Variants in PPP2R2B observed in about 807,000 individuals in gnomAD.
The protein encoded by PPP2R2B is serine/threonine-protein phosphatase 2A 55 kDa regulatory subunit B beta isoform.
PPP2R2B carries 5 observed loss-of-function variants against 46.0 expected under a neutral mutation model. The ratio of observed to expected loss-of-function variants is 0.11; its 90% CI spans 0.06 to 0.23. The LOEUF (loss-of-function observed/expected upper bound fraction) is 0.23, where lower values mean the gene tolerates loss of function less well. PPP2R2B is among the 10% of genes least tolerant of loss of function. The probability of loss-of-function intolerance (pLI) is 1.00; values close to 1 mark genes in which losing one functional copy is unlikely to be tolerated. For synonymous variants in PPP2R2B, 215 were observed against 206.7 expected (o/e 1.04, Z -0.34); for missense variants, 367 against 575.0 (o/e 0.64, Z 3.70).
chr5:147,066,220 C>A (rs1299282257), intron 2 of PPP2R2B, among the ~76,000 whole-genome samples: 3 of 152,142 alleles, frequency 2.0e-5, no homozygotes, highest in African/African-American at 7.2e-5. Flanking sequence ...CTGCCAAAAT[C>A]TAGGTATTGG....
chr5:146,894,105 G>C (rs545879725), intron 1 of PPP2R2B, among the ~76,000 whole-genome samples: 13 of 152,284 alleles, frequency 8.5e-5, no homozygotes, highest in African/African-American at 2.9e-4. Context: ...CTGCTACTAA[G>C]TTAGCCTGGA....
At chr5:146,737,297 C>T (rs192297049) in intron 2 of PPP2R2B, among the ~76,000 whole-genome samples, 34 of 152,278 alleles carry the variant, frequency 2.2e-4, no homozygotes, top group Admixed American at 1.5e-3. Context: ...CTACTTCATG[C>T]AAAGACCTAG....
At chr5:146,921,902 G>C (rs961254338) in intron 1 of PPP2R2B, among the ~76,000 whole-genome samples, 1 of 152,150 alleles carries the variant, frequency 6.6e-6, no homozygotes, top group East Asian at 1.9e-4. Flanking sequence ...AAGTCACTTG[G>C]ATGAGTGCTT....
intron 1 of PPP2R2B, among the ~76,000 whole-genome samples, chr5:146,944,116 T>C (rs1423359671): frequency 6.6e-6 from 1 of 152,202 alleles, no homozygotes; most frequent in Non-Finnish European, 1.5e-5. Flanking sequence ...AATCTCAGAC[T>C]GTAACATCAA....
rs1200056973 is a variant in PPP2R2B at position 146,586,120 on chromosome 5, C to CAAAG, written c.*3823_*3826dup. ...GTGGTGTGTCTAGACTTCCCCCATCCAAAGACTAACCAGGCCTGACTCCAT... is the reference window on the plus strand; with the variant it reads ...GTGGTGTGTCTAGACTTCCCCCATCCAAAGAAAGACTAACCAGGCCTGACTCCAT... On this transcript the variant is annotated 3_prime_UTR_variant, in exon 10 of 10. Coordinates refer to ENST00000394411, the MANE Select transcript of PPP2R2B (RefSeq NM_181675.4). 2.0e-5 allele frequency: 3 copies of CAAAG among 152,262 alleles called. No homozygotes were observed. Among genetic ancestry groups the CAAAG allele is most frequent in the Non-Finnish European group, 4.4e-5 (3 of 68,110 alleles). 9.4% of individuals were successfully genotyped at this position (152,262 alleles called of 1,614,324 possible).
chr5:146,960,480 G>A (rs1023301688), intron 1 of PPP2R2B, among the ~76,000 whole-genome samples: 9 of 152,046 alleles, frequency 5.9e-5, no homozygotes, highest in South Asian at 2.1e-4. Context: ...AGTAGAGAGC[G>A]GGTTTCACCA....
chr5:147,011,432 C>G (rs1754728765), intron 1 of PPP2R2B, among the ~76,000 whole-genome samples: 1 of 151,990 alleles, frequency 6.6e-6, no homozygotes, highest in Non-Finnish European at 1.5e-5. Flanking sequence ...AACTATACAA[C>G]TAACTATATA....
chr5:146,794,566 G>C (rs754110551), intron 2 of PPP2R2B, among the ~76,000 whole-genome samples: 6 of 152,180 alleles, frequency 3.9e-5, no homozygotes, highest in Non-Finnish European at 5.9e-5. Context: ...TGACTAAATA[G>C]ACAAGTACAG....
chr5:146,821,178 C>T (rs1272598557), intron 2 of PPP2R2B, among the ~76,000 whole-genome samples: 1 of 152,120 alleles, frequency 6.6e-6, no homozygotes, highest in African/African-American at 2.4e-5. Context: ...ATATATATAT[C>T]CACAGACAAC....
chr5:147,065,879 G>A (rs779070798), intron 2 of PPP2R2B, among the ~76,000 whole-genome samples: 9 of 152,032 alleles, frequency 5.9e-5, no homozygotes, highest in East Asian at 3.9e-4. Flanking sequence ...GTGCGGGTCC[G>A]TGAGCTAAAT....
Position 146,825,498 on chromosome 5 carries a change from G to T in PPP2R2B, c.70+52504C>A, listed in dbSNP as rs768443165. ...GAGGTACATGAATTTGCACTTGCTT[G>T]CATTTCTATCATTGCACTTGCTTGC... On this transcript the variant is annotated intron_variant, in intron 2 of 9. Coordinates refer to ENST00000394411, the MANE Select transcript of PPP2R2B (RefSeq NM_181675.4). Among the ~76,000 whole-genome samples, 3 of 152,124 alleles carry T rather than the reference G, an allele frequency of 2.0e-5. No homozygotes were observed. In the South Asian group the frequency reaches 6.2e-4, roughly 31 times the overall value.
intron 5 of PPP2R2B, among the ~76,000 whole-genome samples, chr5:146,654,972 A>C (rs460413): frequency 0.86 from 130,852 of 152,210 alleles, 56,658 homozygotes; most frequent in Admixed American, 0.91. Context: ...TTGGCAGAGT[A>C]ATTGATGGGG....
At chr5:146,848,328 C>A (rs1298299786) in intron 2 of PPP2R2B, among the ~76,000 whole-genome samples, 1 of 152,050 alleles carries the variant, frequency 6.6e-6, no homozygotes, top group Non-Finnish European at 1.5e-5. Flanking sequence ...TAACCAAAGT[C>A]CATAGTTCAT....
rs118109024 is a variant in PPP2R2B, at chr5:146,818,614, C to T, written c.70+59388G>A. On this transcript the variant is annotated intron_variant, in intron 2 of 9. Transcript: ENST00000394411. Reference sequence around the variant, plus strand: ...ATGTGCGGGTTCTATCCCCTTGCATCTTAAGTTATGTAATTTTCTCAGTGA... The same window carrying T: ...ATGTGCGGGTTCTATCCCCTTGCATTTTAAGTTATGTAATTTTCTCAGTGA... 1.0e-3 allele frequency among the ~76,000 whole-genome samples: 156 copies of T among 152,266 alleles called. No individual in the cohort carries two copies. The East Asian group carries it at 0.017, about 17-fold the overall frequency.
chr5:146,609,646 C>G (rs1056815296), intron 7 of PPP2R2B, among the ~76,000 whole-genome samples: 11 of 148,728 alleles, frequency 7.4e-5, no homozygotes, highest in Admixed American at 1.3e-4. Context: ...GCACCGTGCG[C>G]GAGCCGAAGC....
intron 2 of PPP2R2B, among the ~76,000 whole-genome samples, chr5:146,716,313 C>T (rs1780494758): frequency 6.6e-6 from 1 of 152,154 alleles, no homozygotes; most frequent in African/African-American, 2.4e-5. Flanking sequence ...AGATCCATGA[C>T]ATTGTCACTT....
chr5:146,642,172 C>T (rs937036422), intron 6 of PPP2R2B, among the ~76,000 whole-genome samples: 1 of 152,204 alleles, frequency 6.6e-6, no homozygotes, highest in Non-Finnish European at 1.5e-5. Context: ...GAGCTCCATG[C>T]TTGGAAGGCA....
upstream of PPP2R2B, among the ~76,000 whole-genome samples, chr5:147,059,628 C>T (rs771390040): frequency 5.3e-5 from 8 of 152,160 alleles, no homozygotes; most frequent in Admixed American, 6.6e-5. Flanking sequence ...TGTGAGAAGG[C>T]CCCTTGAGTG....
chr5:146,878,058 A>G lies in PPP2R2B; in HGVS notation c.14T>C (p.Ile5Thr), dbSNP rs1032719138. ...ACTGTTGTTGATTTTGCGGGTATCA[A>G]TGTCCTCCTCCATTGACAGCAGGCT... is the stretch of plus-strand genomic sequence containing the variant. Reference protein sequence around the residue: MEEDIDTRKINNSFL... With the variant: MEEDTDTRKINNSFL... Residue 5 changes from isoleucine (I) to threonine (T), a missense_variant, in exon 2 of 10, where the codon ATT becomes ACT. Physicochemically the swap from Ile to Thr is moderately conservative, Grantham distance 89. This residue lies in a region of PPP2R2B where 361 missense variants were observed against 545.5 expected (regional missense o/e 0.66). Transcript: ENST00000394411. This position sits in a 1 kb window ranked among gnomAD's most constrained non-coding sequence, Gnocchi z 4.5. 4.3e-6 allele frequency: 7 copies of G among 1,614,118 alleles called. No homozygotes were observed. Among genetic ancestry groups the G allele is most frequent in the Non-Finnish European group, 3.4e-6 (4 of 1,180,020 alleles).
Sources: allele counts gnomAD v4.1 joint callset (sites outside exome capture counted in the v4.1 genomes callset), GRCh38; gene constraint gnomAD v4.1.1; regional missense constraint gnomAD v4.1.1; non-coding constraint Gnocchi (gnomAD v3.1); transcripts MANE v1.5; gene names NCBI Gene and HGNC (gene_info 2026-07-23, HGNC 2026-07-21).